The following AKAP19 variants were observed in gnomAD, a reference collection of about 807,000 sequenced individuals.
The protein encoded by AKAP19 is A-kinase anchoring protein 19.
chr2:190,144,747 T>G, the AKAP19 span, among the ~76,000 whole-genome samples: 1 of 151,258 alleles, frequency 6.6e-6, no homozygotes, highest in Non-Finnish European at 1.5e-5. Flanking sequence ...GAGGGTGAGG[T>G]GGGCAGATCA....
chr2:189,977,611 ATAAAT>A, the AKAP19 span, among the ~76,000 whole-genome samples: 2 of 152,222 alleles, frequency 1.3e-5, no homozygotes, highest in Non-Finnish European at 2.9e-5. Context: ...GATTTAGAAG[ATAAAT>A]TTAATTTAAT....
the AKAP19 span, among the ~76,000 whole-genome samples, chr2:189,942,234 G>C: frequency 1.3e-5 from 2 of 151,808 alleles, no homozygotes; most frequent in South Asian, 4.1e-4. Flanking sequence ...GTTCTTATGA[G>C]ATCAGGGCAT....
At chr2:190,029,373 A>G in the AKAP19 span, among the ~76,000 whole-genome samples, 1 of 152,114 alleles carries the variant, frequency 6.6e-6, no homozygotes, top group African/African-American at 2.4e-5. Flanking sequence ...TGTTTATGGC[A>G]GCATTCATTA....
At chr2:190,121,352 A>G in the AKAP19 span, among the ~76,000 whole-genome samples, 1 of 152,064 alleles carries the variant, frequency 6.6e-6, no homozygotes, top group Non-Finnish European at 1.5e-5. Flanking sequence ...GGCTCAAGTG[A>G]TCCTCCTGCC....
chr2:189,887,949 T>C, the AKAP19 span, among the ~76,000 whole-genome samples: 2 of 152,188 alleles, frequency 1.3e-5, no homozygotes, highest in Non-Finnish European at 2.9e-5. Flanking sequence ...CTGCAGAAGC[T>C]CTTTAGTTTA....
chr2:190,162,876 T>C, the AKAP19 span, among the ~76,000 whole-genome samples: 2 of 152,182 alleles, frequency 1.3e-5, no homozygotes, highest in Non-Finnish European at 2.9e-5. Flanking sequence ...GCTGAGAAAT[T>C]ATATATTTGT....
At chr2:189,938,902 A>G in the AKAP19 span, among the ~76,000 whole-genome samples, 1 of 152,314 alleles carries the variant, frequency 6.6e-6, no homozygotes, top group East Asian at 1.9e-4. Context: ...TTGGACTTCC[A>G]TATCTTCAGT....
chr2:190,109,662 C>T, the AKAP19 span, among the ~76,000 whole-genome samples: 2 of 152,190 alleles, frequency 1.3e-5, no homozygotes, highest in East Asian at 1.9e-4. Context: ...AATCCCCACT[C>T]ACCTGCAAGC....
At chr2:190,062,519 G>C in the AKAP19 span, 1 of 1,613,304 alleles carries the variant, frequency 6.2e-7, no homozygotes, top group South Asian at 1.1e-5. Flanking sequence ...TTTGCTCACT[G>C]TTCTCATTTA....
chr2:190,047,127 C>T, the AKAP19 span, among the ~76,000 whole-genome samples: 6 of 152,260 alleles, frequency 3.9e-5, no homozygotes, highest in African/African-American at 1.2e-4. Flanking sequence ...GACATACAAG[C>T]GGTGTCCATC....
At chr2:189,900,859 G>T in the AKAP19 span, among the ~76,000 whole-genome samples, 4 of 152,200 alleles carry the variant, frequency 2.6e-5, no homozygotes, top group Non-Finnish European at 2.9e-5. Flanking sequence ...ACAAAGGCTT[G>T]CTGGGGATTT....
the AKAP19 span, among the ~76,000 whole-genome samples, chr2:190,070,033 T>A: frequency 6.6e-6 from 1 of 152,212 alleles, no homozygotes; most frequent in African/African-American, 2.4e-5. Flanking sequence ...TTAACTTCTT[T>A]ATGTTGAATT....
At chr2:189,884,401 A>T in the AKAP19 span, among the ~76,000 whole-genome samples, 1 of 152,272 alleles carries the variant, frequency 6.6e-6, no homozygotes, top group African/African-American at 2.4e-5. Flanking sequence ...AATACGTATG[A>T]TACTCGTTAT....
the AKAP19 span, among the ~76,000 whole-genome samples, chr2:190,146,709 TGG>T: frequency 6.6e-6 from 1 of 152,256 alleles, no homozygotes; most frequent in Non-Finnish European, 1.5e-5. Context: ...AGGAGTAAGG[TGG>T]TATTGCATTA....
the AKAP19 span, among the ~76,000 whole-genome samples, chr2:189,949,026 G>C: frequency 6.6e-6 from 1 of 152,020 alleles, no homozygotes; most frequent in African/African-American, 2.4e-5. Context: ...CTAGGAAGTA[G>C]GAAAATACAG....
the AKAP19 span, among the ~76,000 whole-genome samples, chr2:190,017,125 G>C: frequency 6.6e-6 from 1 of 151,846 alleles, no homozygotes; most frequent in East Asian, 1.9e-4. Context: ...ATTTCCATTT[G>C]CTTATAATAT....
At chr2:190,079,390 T>A in the AKAP19 span, 1 of 152,234 alleles carries the variant, frequency 6.6e-6, no homozygotes, top group African/African-American at 2.4e-5. Flanking sequence ...AACCCACAAG[T>A]ATCATAAGTA....
chr2:189,971,924 C>T, the AKAP19 span, among the ~76,000 whole-genome samples: 4 of 151,378 alleles, frequency 2.6e-5, no homozygotes, highest in Middle Eastern at 3.4e-3. Flanking sequence ...TTCTCCCATT[C>T]TGTAGGTTGC....
the AKAP19 span, among the ~76,000 whole-genome samples, chr2:190,099,521 G>A: frequency 6.6e-6 from 1 of 152,098 alleles, no homozygotes; most frequent in Admixed American, 6.5e-5. Context: ...ACTGATCATA[G>A]ATCACCATAA....
Sources: allele counts gnomAD v4.1 joint callset (sites outside exome capture counted in the v4.1 genomes callset), GRCh38; gene constraint gnomAD v4.1.1; transcripts MANE v1.5; gene names NCBI Gene and HGNC (gene_info 2026-07-23, HGNC 2026-07-21).